The following SLIT3 variants were observed in gnomAD, a reference collection of about 807,000 sequenced individuals.
The protein encoded by SLIT3 is slit guidance ligand 3, also known as slit homolog 3 protein.
Under a neutral mutation model 184.0 loss-of-function variants are expected in SLIT3, and 68 were observed. The ratio of observed to expected loss-of-function variants is 0.37; its 90% CI spans 0.30 to 0.45. The LOEUF (loss-of-function observed/expected upper bound fraction) is 0.45, where lower values mean the gene tolerates loss of function less well. Ranked by LOEUF, SLIT3 falls within the 20% of genes least tolerant of loss-of-function variation. SLIT3 has a pLI of 1.00. For missense variants in SLIT3, 1,707 were observed against 2,026.0 expected (o/e 0.84, Z 3.02); for synonymous variants, 831 against 828.6 (o/e 1.00, Z -0.05).
intron 4 of SLIT3, among the ~76,000 whole-genome samples, chr5:168,943,178 T>C (rs1383677478): frequency 6.6e-6 from 1 of 152,218 alleles, no homozygotes. Context: ...GATGAAATGA[T>C]GATCAGTTTT....
At chr5:168,731,077 A>T (rs1383964763) in intron 20 of SLIT3, among the ~76,000 whole-genome samples, 1 of 152,034 alleles carries the variant, frequency 6.6e-6, no homozygotes, top group Non-Finnish European at 1.5e-5. Context: ...ATCCAAATAA[A>T]TACAATCAGA....
intron 1 of SLIT3, among the ~76,000 whole-genome samples, chr5:169,271,682 A>G (rs1205727966): frequency 6.6e-6 from 1 of 152,248 alleles, no homozygotes; most frequent in Non-Finnish European, 1.5e-5. Flanking sequence ...TGCTCAAAAT[A>G]GCATCACACC....
chr5:169,104,945 G>T (rs377235493), intron 4 of SLIT3, among the ~76,000 whole-genome samples: 2 of 152,098 alleles, frequency 1.3e-5, no homozygotes, highest in South Asian at 4.1e-4. Flanking sequence ...AAACATGCGC[G>T]CCATTTTCAT....
chr5:168,995,428 C>T lies in SLIT3; in HGVS notation c.414-112092G>A, dbSNP rs573465699. 2.6e-5 allele frequency: 4 copies of T among 152,320 alleles called. No individual in the cohort carries two copies. In the South Asian group the frequency reaches 8.3e-4, roughly 32 times the overall value. The allele number at this position is 152,320 out of a possible 1,614,324, so 9.4% of individuals were successfully genotyped here. A position where few individuals can be genotyped will look rare whatever the true frequency, so the allele number is the denominator to read the frequency against. On this transcript the variant is annotated intron_variant, in intron 4 of 35. Transcript: ENST00000519560. Reference sequence around the variant, plus strand: ...ACGATTACATTTAGTATCTATTCCTCATTGTAATACCTTAGTCATGCTTGC... The same window carrying T: ...ACGATTACATTTAGTATCTATTCCTTATTGTAATACCTTAGTCATGCTTGC...
Position 168,722,273 on chromosome 5 carries a change from C to T in SLIT3, c.2466G>A (p.Leu822=). ...GTACTCACAGCACTCGCAGGGACCG[C>T]AGCCCGTTGAAGGCGTGGACGGGGA... ...RCIPVHAFNG[L]RSLRVLTLHG... The change falls in exon 23 of 36, where the codon CTG becomes CTA. Residue 822 remains leucine (L), a synonymous_variant. Transcript: ENST00000519560. 1 of 1,614,102 alleles carries T rather than the reference C, an allele frequency of 6.2e-7. No homozygotes were observed.
intron 8 of SLIT3, among the ~76,000 whole-genome samples, chr5:168,808,190 T>G (rs951063253): frequency 6.6e-6 from 1 of 152,018 alleles, no homozygotes; most frequent in Admixed American, 6.5e-5. Context: ...GATGATGACT[T>G]ACACTGAATT....
intron 5 of SLIT3, among the ~76,000 whole-genome samples, chr5:168,874,312 T>A (rs1504958): frequency 0.53 from 80,077 of 152,026 alleles, 22,965 homozygotes; most frequent in African/African-American, 0.76. Flanking sequence ...TCTTCTTTGC[T>A]AGGATATCAT....
chr5:168,963,160 T>A (rs115471447), intron 4 of SLIT3, among the ~76,000 whole-genome samples: 242 of 152,326 alleles, frequency 1.6e-3, no homozygotes, highest in African/African-American at 5.5e-3. Context: ...TGGAATGCAG[T>A]CACTCATGCT....
intron 32 of SLIT3, among the ~76,000 whole-genome samples, chr5:168,677,080 T>C (rs1761437285): frequency 6.6e-6 from 1 of 152,132 alleles, no homozygotes; most frequent in Non-Finnish European, 1.5e-5. Context: ...CTGGAGGGCC[T>C]CATCTGATGC....
intron 4 of SLIT3, chr5:169,024,041 C>T (rs1041356058): frequency 2.0e-5 from 3 of 152,106 alleles, no homozygotes; most frequent in Non-Finnish European, 4.4e-5. Flanking sequence ...AACATAGCTT[C>T]GAGGTAGGCA....
intron 4 of SLIT3, among the ~76,000 whole-genome samples, chr5:169,169,945 C>G (rs1762764263): frequency 6.6e-6 from 1 of 152,212 alleles, no homozygotes; most frequent in Non-Finnish European, 1.5e-5. Context: ...TCCAGCCCTC[C>G]CCTGGGGTGG....
intron 5 of SLIT3, among the ~76,000 whole-genome samples, chr5:168,868,507 T>C (rs1759388720): frequency 6.6e-6 from 1 of 152,108 alleles, no homozygotes; most frequent in Admixed American, 6.5e-5. Flanking sequence ...TTCAGCACTT[T>C]GGGAGGACAA....
rs55733438 is a variant in SLIT3, at chr5:168,871,089, C to T, written c.485+12176G>A. Among the ~76,000 whole-genome samples the T allele has an allele frequency of 8.6e-3, 1,311 of 152,302 alleles. 6 individuals carry two copies. Among genetic ancestry groups the T allele is most frequent in the Non-Finnish European group, 0.013 (890 of 68,018 alleles). ...TCGTGTCAAGGTGTCAGCAGGACTGCGTTCCTTCTGGACGCCCCAGGGTAC... is the reference window on the plus strand; with the variant it reads ...TCGTGTCAAGGTGTCAGCAGGACTGTGTTCCTTCTGGACGCCCCAGGGTAC... On this transcript the variant is annotated intron_variant, in intron 5 of 35. Transcript: ENST00000519560.
chr5:169,200,376 C>G (rs1763873139), intron 3 of SLIT3, among the ~76,000 whole-genome samples: 1 of 152,196 alleles, frequency 6.6e-6, no homozygotes, highest in Non-Finnish European at 1.5e-5. Flanking sequence ...CTTAGGCAGC[C>G]TGAATTCTTT....
intron 11 of SLIT3, 22 bp downstream of exon 11, chr5:168,789,538 C>T: frequency 6.2e-7 from 1 of 1,603,438 alleles, no homozygotes; most frequent in South Asian, 1.1e-5. Context: ...TCACCTCAGG[C>T]CCCAACTCGG....
intron 6 of SLIT3, among the ~76,000 whole-genome samples, chr5:168,833,785 T>A (rs1025428671): frequency 6.6e-6 from 1 of 152,236 alleles, no homozygotes; most frequent in African/African-American, 2.4e-5. Flanking sequence ...GAATTTTTCC[T>A]ATGGCTGTGG....
chr5:168,800,350 C>T (rs1241659563), intron 9 of SLIT3, among the ~76,000 whole-genome samples: 1 of 152,226 alleles, frequency 6.6e-6, no homozygotes, highest in Admixed American at 6.5e-5. Context: ...CTTTGGGAGG[C>T]TGAGGCGGTT....
At chr5:169,011,964 T>G (rs1756174538) in intron 4 of SLIT3, among the ~76,000 whole-genome samples, 1 of 150,784 alleles carries the variant, frequency 6.6e-6, no homozygotes, top group Non-Finnish European at 1.5e-5. Context: ...TTTTTTTGGT[T>G]TAACTAGGTG....
Position 168,749,595 on chromosome 5 carries a change from C to T in SLIT3, c.2014G>A (p.Ala672Thr). 6.2e-7 allele frequency: 1 copy of T among 1,614,194 alleles called. No homozygotes were observed. The highest frequency in any genetic ancestry group is 8.5e-7 in the Non-Finnish European group (1 of 1,180,030). ...SNPFNCNCHL[A>T]WLGKWLRKRR... is the part of the protein sequence containing the mutation. The stretch of plus-strand genomic sequence containing the variant: ...TTCCTCAACCACTTGCCGAGCCAGG[C>T]CAGGTGGCAGTTGCAGTTGAAGGGG... Residue 672 changes from alanine to threonine, a missense_variant, in exon 19 of 36, where the codon GCC becomes ACC. Transcript: ENST00000519560.
Sources: gnomAD v4.1 joint callset for allele counts (sites outside exome capture counted in the v4.1 genomes callset) on GRCh38, gnomAD v4.1.1 for gene constraint, MANE v1.5 for transcripts, NCBI Gene and HGNC (gene_info 2026-07-23, HGNC 2026-07-21) for gene names.